Variants in KDR observed in about 807,000 individuals in gnomAD.
The protein encoded by KDR is vascular endothelial growth factor receptor 2.
KDR carries 43 observed loss-of-function variants against 160.9 expected under a neutral mutation model. The observed-to-expected ratio is 0.27, with a 90% confidence interval of 0.21 to 0.34. KDR has a LOEUF of 0.34. KDR is among the 10% of genes least tolerant of loss of function. The pLI, the probability that KDR is intolerant of heterozygous loss-of-function variation, is 1.00. For missense variants in KDR, 1,469 were observed against 1,666.4 expected (o/e 0.88, Z 2.06); for synonymous variants, 617 against 600.1 (o/e 1.03, Z -0.41).
Position 55,106,828 on chromosome 4 carries a change from C to A in KDR, c.1413-18G>T. Reference sequence around the variant, plus strand: ...CAGCTTGGCTATAAGAAAGAGATAACAGCGCATATTATGATTTAATTTTTC... The same window carrying A: ...CAGCTTGGCTATAAGAAAGAGATAAAAGCGCATATTATGATTTAATTTTTC... On this transcript the variant is annotated intron_variant, in intron 10 of 29. Coordinates refer to ENST00000263923, the MANE Select transcript of KDR (RefSeq NM_002253.4). 1 of 1,597,766 alleles carries A rather than the reference C, an allele frequency of 6.3e-7. No individual in the cohort carries two copies. Among genetic ancestry groups the A allele is most frequent in the Non-Finnish European group, 8.6e-7 (1 of 1,165,276 alleles).
In KDR at chr4:55,094,799, T is replaced by C. The variant is rs1037612393; in HGVS notation, c.2971+3A>G. On this transcript the variant is annotated splice_donor_region_variant and intron_variant, in intron 21 of 29. Transcript: ENST00000263923. ...ATAGCATGCAGGAAGCACTAGCCAG[T>C]ACCTTCCTCTTCTTCTACATCACTG... 10 of 1,612,854 alleles carry C rather than the reference T, an allele frequency of 6.2e-6. No individual in the cohort carries two copies. In the African/African-American group the frequency reaches 9.3e-5, roughly 15 times the overall value.
chr4:55,125,410 G>T lies in KDR; in HGVS notation c.-117C>A. 1 of 1,334,658 alleles carries T rather than the reference G, an allele frequency of 7.5e-7. No individual in the cohort carries two copies. The highest frequency in any genetic ancestry group is 1.0e-6 in the Non-Finnish European group (1 of 963,000). 82.7% of individuals were successfully genotyped at this position (1,334,658 alleles called of 1,614,324 possible). A position where few individuals can be genotyped will look rare whatever the true frequency, so the allele number is the denominator to read the frequency against. ...TCGCGGCACCCCGCAGCGCAGGACA[G>T]TTGAGCGCACAGGGCTAGGGAGCCC... On this transcript the variant is annotated 5_prime_UTR_variant, in exon 1 of 30. It adds an upstream start codon to the 5' untranslated region. Coordinates refer to ENST00000263923, the MANE Select transcript of KDR (RefSeq NM_002253.4).
intron 7 of KDR, among the ~76,000 whole-genome samples, chr4:55,112,025 C>T (rs1720597445): frequency 6.6e-6 from 1 of 152,162 alleles, no homozygotes; most frequent in South Asian, 2.1e-4. Context: ...CTTTCCAAGG[C>T]TTATAAGTAG....
At position 55,078,499 on chromosome 4, in the gene KDR, C is replaced by G. The variant is rs768540918; in HGVS notation, c.*1442G>C. On this transcript the variant is annotated 3_prime_UTR_variant, in exon 30 of 30. Coordinates refer to ENST00000263923, the MANE Select transcript of KDR (RefSeq NM_002253.4). ...GGATTCCTTCAAGTTTTTCAATGTT[C>G]TTTAATAAAATGACATCAATTGCTG... 1 of 232,098 alleles carries G rather than the reference C, an allele frequency of 4.3e-6. No homozygotes were observed. Among genetic ancestry groups the G allele is most frequent in the Non-Finnish European group, 8.5e-6 (1 of 117,422 alleles). The allele number at this position is 232,098 out of a possible 1,614,324, so 14.4% of individuals were successfully genotyped here. A position where few individuals can be genotyped will look rare whatever the true frequency, so the allele number is the denominator to read the frequency against.
At chr4:55,086,192 A>T (rs1205702099) in intron 27 of KDR, among the ~76,000 whole-genome samples, 1 of 152,164 alleles carries the variant, frequency 6.6e-6, no homozygotes, top group Admixed American at 6.5e-5. Flanking sequence ...GGGTCAGAGG[A>T]ACTGGATTCA....
Position 55,118,766 on chromosome 4 carries a change from T to A in KDR, c.196A>T (p.Asn66Tyr). 6.2e-7 allele frequency: 1 copy of A among 1,614,158 alleles called. No individual in the cohort carries two copies. Among genetic ancestry groups the A allele is most frequent in the Admixed American group, 1.7e-5 (1 of 60,014 alleles). The change falls in exon 3 of 30, where the codon AAT becomes TAT. Residue 66 changes from asparagine to tyrosine, a missense_variant. Physicochemically the swap from Asn to Tyr is moderately radical, Grantham distance 143. Transcript: ENST00000263923. ...QRDLDWLWPN[N>Y]QSGSEQRVEV... The stretch of plus-strand genomic sequence containing the variant: ...ACCCTTTGCTCACTGCCACTCTGAT[T>A]ATTGGGCCAAAGCCAGTCCAAGTCC...
chr4:55,102,564 C>T (rs775883400), intron 13 of KDR, 56 bp from the exon 14 acceptor site: 1 of 1,589,196 alleles, frequency 6.3e-7, no homozygotes, highest in Non-Finnish European at 8.6e-7. Flanking sequence ...TGAAATGGTT[C>T]TGGTATCAGC....
chr4:55,089,218 T>A (rs1479346321), intron 25 of KDR, among the ~76,000 whole-genome samples, 156 bp downstream of exon 25: 2 of 152,118 alleles, frequency 1.3e-5, no homozygotes, highest in Non-Finnish European at 2.9e-5. Context: ...TTTCAAGAAG[T>A]GATGACTCCA....
Position 55,080,563 on chromosome 4 carries a change from G to A in KDR, c.3849-400C>T, listed in dbSNP as rs1719708762. ...TGGGATGTTCTTAAATTTCACTTGT[G>A]CTTTTCCTATTGTGGCAATTTGGGA... On this transcript the variant is annotated intron_variant, in intron 29 of 29. Coordinates refer to ENST00000263923, the MANE Select transcript of KDR (RefSeq NM_002253.4). Among the ~76,000 whole-genome samples the A allele has an allele frequency of 2.0e-5, 3 of 152,218 alleles. 1 individual carries two copies. Among genetic ancestry groups the A allele is most frequent in the South Asian group, 4.1e-4 (2 of 4,832 alleles).
chr4:55,089,906 G>C (rs760167687), intron 23 of KDR, 50 bp downstream of exon 23: 35 of 1,610,944 alleles, frequency 2.2e-5, no homozygotes, highest in Admixed American at 8.3e-5. Context: ...TCTACGAGGA[G>C]TTTTAATTCT....
rs765993419 is a variant in KDR at position 55,102,051 on chromosome 4, A to G, written c.2135-23T>C. ...TGCCTAACAGAGGAAGAAAACGATC[A>G]TTCTCATTTATGATGATGTAGTCTG... On this transcript the variant is annotated intron_variant, in intron 14 of 29. Coordinates refer to ENST00000263923, the MANE Select transcript of KDR (RefSeq NM_002253.4). 5 of 1,613,262 alleles carry G rather than the reference A, an allele frequency of 3.1e-6. No homozygotes were observed. The Admixed American group carries it at 5.0e-5, about 16-fold the overall frequency.
At position 55,094,938 on chromosome 4, in the gene KDR, G is replaced by A. The variant is rs1243166641; in HGVS notation, c.2835C>T (p.Phe945=). The stretch of plus-strand genomic sequence containing the variant: ...CTCCAACGTAGTCTTTCCCTTGACG[G>A]AATCGTGCCCCTTTGGTCTATAAAA... ...FVPYKTKGAR[F]RQGKDYVGAI... is the part of the protein sequence containing the mutation. The change falls in exon 21 of 30, where the codon TTC becomes TTT. Residue 945 remains phenylalanine, a synonymous_variant. Coordinates refer to ENST00000263923, the MANE Select transcript of KDR (RefSeq NM_002253.4). 1 of 1,613,798 alleles carries A rather than the reference G, an allele frequency of 6.2e-7. No homozygotes were observed. Among genetic ancestry groups the A allele is most frequent in the African/African-American group, 1.3e-5 (1 of 74,908 alleles).
At chr4:55,096,192 TA>T in intron 19 of KDR, 36 bp downstream of exon 19, 1 of 1,186,466 alleles carries the variant, frequency 8.4e-7, no homozygotes, top group Non-Finnish European at 1.3e-6. Context: ...AGAGGCATGT[TA>T]AAATTGGGTG....
At chr4:55,085,295 C>G (rs563326218) in intron 27 of KDR, among the ~76,000 whole-genome samples, 2 of 152,198 alleles carry the variant, frequency 1.3e-5, no homozygotes. Flanking sequence ...CACTTCTCAG[C>G]CTTTTCTCTA....
chr4:55,101,202 TAATC>T (rs917061346), intron 15 of KDR, among the ~76,000 whole-genome samples: 76 of 152,272 alleles, frequency 5.0e-4, no homozygotes, highest in African/African-American at 1.7e-3. Flanking sequence ...TTCTATAAGT[TAATC>T]AAGCCATTCA....
In KDR at chr4:55,089,443, T is replaced by C; in HGVS notation, c.3335A>G (p.Asp1112Gly). The change falls in exon 25 of 30, where the codon GAT (aspartate) becomes GGT (glycine). Residue 1112 changes from aspartate (D) to glycine (G), a missense_variant. Transcript: ENST00000263923. ...GASPYPGVKI[D>G]EEFCRRLKEG... ...TTTCAATCGCCTACAAAATTCTTCA[T>C]CAATCTTTACCCCAGGATATGGAGA... The C allele has an allele frequency of 6.2e-7, 1 of 1,613,160 alleles. No homozygotes were observed. The highest frequency in any genetic ancestry group is 8.5e-7 in the Non-Finnish European group (1 of 1,179,378).
rs777266665 is a variant in KDR at position 55,115,048 on chromosome 4, TA to T, written c.490-7del. The T allele has an allele frequency of 2.4e-5, 39 of 1,610,356 alleles. No homozygotes were observed. The highest frequency in any genetic ancestry group is 3.1e-5 in the Non-Finnish European group (37 of 1,176,920). On this transcript the variant is annotated splice_polypyrimidine_tract_variant and splice_region_variant and intron_variant, in intron 4 of 29. Transcript: ENST00000263923. Reference sequence around the variant, plus strand: ...AATCTCTTTTCTGGGTATCTCTGGGTAATAAAAAGACATATCAAATATTTAA... The same window carrying T: ...AATCTCTTTTCTGGGTATCTCTGGGTATAAAAAGACATATCAAATATTTAA...
At chr4:55,094,718 A>G in intron 21 of KDR, 84 bp downstream of exon 21, 1 of 1,305,072 alleles carries the variant, frequency 7.7e-7, no homozygotes, top group Non-Finnish European at 1.1e-6. Flanking sequence ...GACTTTTCCC[A>G]TGATCAAATT....
At chr4:55,109,914 A>G (rs572234901) in intron 9 of KDR, among the ~76,000 whole-genome samples, 2 of 152,348 alleles carry the variant, frequency 1.3e-5, no homozygotes, top group South Asian at 2.1e-4. Flanking sequence ...AGGAAAAAAG[A>G]AAAGCTCCCA....
Sources: allele counts gnomAD v4.1 joint callset (sites outside exome capture counted in the v4.1 genomes callset), GRCh38; gene constraint gnomAD v4.1.1; transcripts MANE v1.5; gene names NCBI Gene and HGNC (gene_info 2026-07-23, HGNC 2026-07-21).